Variants in ADAMTS17 observed in about 807,000 individuals in gnomAD.
ADAMTS17 encodes the protein ADAM metallopeptidase with thrombospondin type 1 motif 17.
ADAMTS17 carries 113 observed loss-of-function variants against 141.5 expected under a neutral mutation model. That is an observed-to-expected ratio of 0.80 (90% CI 0.69 to 0.93). The LOEUF (loss-of-function observed/expected upper bound fraction) is 0.93, where lower values mean the gene tolerates loss of function less well. Ranked by LOEUF, ADAMTS17 falls within the 40% of genes least tolerant of loss-of-function variation. ADAMTS17 has a pLI of 0.00. For missense variants in ADAMTS17, 1,659 were observed against 1,517.9 expected (o/e 1.09, Z -1.54); for synonymous variants, 768 against 630.6 (o/e 1.22, Z -3.27).
chr15:100,278,459 C>T (rs773444156), intron 4 of ADAMTS17, among the ~76,000 whole-genome samples: 2 of 152,100 alleles, frequency 1.3e-5, no homozygotes, highest in Non-Finnish European at 2.9e-5. Flanking sequence ...ACTGAGGCCA[C>T]GTCGGAAAGC....
At chr15:100,223,028 C>T (rs2042183425) in intron 7 of ADAMTS17, among the ~76,000 whole-genome samples, 1 of 152,234 alleles carries the variant, frequency 6.6e-6, no homozygotes, top group Non-Finnish European at 1.5e-5. Context: ...CGCTCTCACC[C>T]TATTTTCCAT....
intron 8 of ADAMTS17, among the ~76,000 whole-genome samples, chr15:100,159,763 G>A (rs887687108): frequency 1.3e-5 from 2 of 152,218 alleles, no homozygotes; most frequent in Admixed American, 1.3e-4. Context: ...TGGAGTCCTA[G>A]TCTGAGTCAC....
intron 2 of ADAMTS17, among the ~76,000 whole-genome samples, chr15:100,334,989 C>A (rs1314186588): frequency 7.9e-5 from 12 of 152,130 alleles, no homozygotes; most frequent in Admixed American, 3.9e-4. Context: ...CCTCCCCATA[C>A]GGCTAGCCCC....
intron 7 of ADAMTS17, among the ~76,000 whole-genome samples, chr15:100,238,448 T>G (rs924592381): frequency 6.6e-6 from 1 of 152,216 alleles, no homozygotes; most frequent in Non-Finnish European, 1.5e-5. Flanking sequence ...TGGCACACAG[T>G]AGGCACTCAA....
intron 3 of ADAMTS17, among the ~76,000 whole-genome samples, chr15:100,317,307 T>C (rs1302134356): frequency 6.6e-6 from 1 of 152,146 alleles, no homozygotes; most frequent in East Asian, 1.9e-4. Context: ...TGATGACGAC[T>C]GAACACTCAG....
rs1182232890 is a variant in ADAMTS17, at chr15:99,997,940, C to T, written c.2592-351G>A. 4.6e-5 allele frequency among the ~76,000 whole-genome samples: 7 copies of T among 152,238 alleles called. No individual in the cohort carries two copies. Among genetic ancestry groups the T allele is most frequent in the East Asian group, 3.9e-4 (2 of 5,178 alleles). ...GTGTGAGTGAAGAGGATGCTGGCGG[C>T]GTCCCGGCAGAAGCTCTGAATGTGG... On this transcript the variant is annotated intron_variant, in intron 18 of 21. Coordinates refer to ENST00000268070, the MANE Select transcript of ADAMTS17 (RefSeq NM_139057.4). This position sits in a 1 kb window ranked among gnomAD's most constrained non-coding sequence, Gnocchi z 4.7.
At chr15:100,028,567 A>AG (rs2029868390) in intron 18 of ADAMTS17, among the ~76,000 whole-genome samples, 1 of 152,244 alleles carries the variant, frequency 6.6e-6, no homozygotes, top group Non-Finnish European at 1.5e-5. Flanking sequence ...ACTGTGTGCC[A>AG]GGAACTGTCC....
chr15:100,011,330 A>G (rs1192875342), intron 18 of ADAMTS17, among the ~76,000 whole-genome samples: 5 of 100,564 alleles, frequency 5.0e-5, no homozygotes, highest in Non-Finnish European at 6.5e-5. Flanking sequence ...GATGGGAGGG[A>G]GGGAGGGAAG....
chr15:100,040,336 T>C (rs1567077200), intron 18 of ADAMTS17, among the ~76,000 whole-genome samples: 1 of 152,258 alleles, frequency 6.6e-6, no homozygotes, highest in Admixed American at 6.5e-5. Context: ...ACCTGGAGAA[T>C]ACACAGCTTC....
chr15:100,151,349 T>C (rs1484284350), intron 10 of ADAMTS17, among the ~76,000 whole-genome samples: 2 of 152,180 alleles, frequency 1.3e-5, no homozygotes, highest in African/African-American at 2.4e-5. Flanking sequence ...CAGGCAATGC[T>C]CCAACTGCAG....
chr15:100,199,021 C>T (rs1377217196), intron 8 of ADAMTS17, among the ~76,000 whole-genome samples: 1 of 152,278 alleles, frequency 6.6e-6, no homozygotes, highest in East Asian at 1.9e-4. Context: ...ATGCTCGTCC[C>T]GGAAAGGAAG....
intron 4 of ADAMTS17, among the ~76,000 whole-genome samples, chr15:100,273,432 TTG>T (rs1232293381): frequency 1.3e-5 from 2 of 152,190 alleles, no homozygotes; most frequent in African/African-American, 4.8e-5. Flanking sequence ...TTGGTAGATT[TTG>T]TGTGTCTAGG....
chr15:100,089,739 A>G (rs938950904), intron 15 of ADAMTS17, among the ~76,000 whole-genome samples: 1 of 150,858 alleles, frequency 6.6e-6, no homozygotes, highest in Non-Finnish European at 1.5e-5. Context: ...AGGACAAAAA[A>G]CCAAACACCG....
At chr15:100,332,862 C>G (rs1040386955) in intron 2 of ADAMTS17, among the ~76,000 whole-genome samples, 13 of 152,304 alleles carry the variant, frequency 8.5e-5, no homozygotes, top group Non-Finnish European at 1.5e-4. Flanking sequence ...CCCTCTTGGG[C>G]CCCGACCTCG....
intron 15 of ADAMTS17, among the ~76,000 whole-genome samples, chr15:100,082,209 G>C (rs2034787267): frequency 6.6e-6 from 1 of 152,078 alleles, no homozygotes; most frequent in African/African-American, 2.4e-5. Context: ...GGGACTACAG[G>C]CACGTGCCAC....
At chr15:100,097,894 A>G (rs952594014) in intron 14 of ADAMTS17, among the ~76,000 whole-genome samples, 2 of 152,198 alleles carry the variant, frequency 1.3e-5, no homozygotes, top group Non-Finnish European at 2.9e-5. Context: ...TTTGAAAAAG[A>G]TCTAATGGGA....
intron 7 of ADAMTS17, among the ~76,000 whole-genome samples, chr15:100,211,620 C>T (rs776556580): frequency 5.9e-5 from 9 of 152,138 alleles, no homozygotes; most frequent in Non-Finnish European, 1.3e-4. Flanking sequence ...AAAGATTGGG[C>T]TATCTAGCTA....
Position 100,110,150 on chromosome 15 carries a change from G to C in ADAMTS17, c.1889-1034C>G, listed in dbSNP as rs370626223. Reference sequence around the variant, plus strand: ...GTCCCCACAGTGGGCCCAGGACCTGGCTCACAGAAAGACTCAGTATATATA... The same window carrying C: ...GTCCCCACAGTGGGCCCAGGACCTGCCTCACAGAAAGACTCAGTATATATA... On this transcript the variant is annotated intron_variant, in intron 13 of 21. Transcript: ENST00000268070. 1.0e-3 allele frequency among the ~76,000 whole-genome samples: 135 copies of C among 131,190 alleles called. 2 individuals are homozygous for C. Among genetic ancestry groups the C allele is most frequent in the African/African-American group, 4.3e-3 (125 of 28,960 alleles). The allele number at this position is 131,190 out of a possible 152,430, so 86.1% of individuals were successfully genotyped here. A position where few individuals can be genotyped will look rare whatever the true frequency, so the allele number is the denominator to read the frequency against.
At chr15:99,976,382 A>G in intron 20 of ADAMTS17, 160 bp from the exon 21 acceptor site, 1 of 945,102 alleles carries the variant, frequency 1.1e-6, no homozygotes, top group Non-Finnish European at 1.6e-6. Flanking sequence ...CTGCGGAGAC[A>G]GGACAGCCTG....
Sources: allele counts gnomAD v4.1 joint callset (sites outside exome capture counted in the v4.1 genomes callset), GRCh38; gene constraint gnomAD v4.1.1; non-coding constraint Gnocchi (gnomAD v3.1); transcripts MANE v1.5; gene names NCBI Gene and HGNC (gene_info 2026-07-23, HGNC 2026-07-21).